AGBL4: variants seen among roughly 807,000 people sequenced by gnomAD.
AGBL4 encodes cytosolic carboxypeptidase 6.
In AGBL4, 58 loss-of-function variants were observed where a neutral mutation model predicts 66.4. The ratio of observed to expected loss-of-function variants is 0.87; its 90% CI spans 0.71 to 1.09. AGBL4 has a LOEUF of 1.09. Ranked by LOEUF, AGBL4 falls within the 50% of genes least tolerant of loss-of-function variation. The pLI is 0.00. For missense variants in AGBL4, 579 were observed against 631.0 expected, an observed-to-expected ratio of 0.92 and a Z score of 0.88; for synonymous variants, 234 against 222.9, an observed-to-expected ratio of 1.05 and a Z score of -0.44.
chr1:48,661,701 C>A (rs1646110112), intron 7 of AGBL4, among the ~76,000 whole-genome samples: 1 of 152,214 alleles, frequency 6.6e-6, no homozygotes, highest in Non-Finnish European at 1.5e-5. Flanking sequence ...GGCAACCCTG[C>A]TCTCTGTCTA....
At chr1:49,303,843 C>T (rs1369358396) in intron 3 of AGBL4, among the ~76,000 whole-genome samples, 2 of 151,916 alleles carry the variant, frequency 1.3e-5, no homozygotes, top group Admixed American at 1.3e-4. Flanking sequence ...TTGGTTTTTT[C>T]TCGTAAATTT....
chr1:49,129,643 T>C (rs1333836359), intron 4 of AGBL4, among the ~76,000 whole-genome samples: 1 of 152,066 alleles, frequency 6.6e-6, no homozygotes, highest in African/African-American at 2.4e-5. Flanking sequence ...GGACATGAAC[T>C]CATCATTTTT....
chr1:48,775,854 T>C (rs1335409013), intron 6 of AGBL4, among the ~76,000 whole-genome samples: 1 of 152,234 alleles, frequency 6.6e-6, no homozygotes, highest in Admixed American at 6.5e-5. Context: ...AGTGTTATTC[T>C]GACCCAGAAA....
chr1:49,349,608 G>T (rs1645707586), intron 3 of AGBL4, among the ~76,000 whole-genome samples: 1 of 152,100 alleles, frequency 6.6e-6, no homozygotes, highest in South Asian at 2.1e-4. Flanking sequence ...GCACTTAACA[G>T]AATTCGAAAT....
intron 2 of AGBL4, among the ~76,000 whole-genome samples, chr1:49,792,032 A>C (rs760728310): frequency 1.9e-4 from 29 of 152,088 alleles, no homozygotes; most frequent in Non-Finnish European, 3.7e-4. Flanking sequence ...TAAATTTTCT[A>C]TTTATAAAAT....
At chr1:49,026,625 A>G (rs1294820634) in intron 5 of AGBL4, among the ~76,000 whole-genome samples, 1 of 152,188 alleles carries the variant, frequency 6.6e-6, no homozygotes, top group Non-Finnish European at 1.5e-5. Flanking sequence ...CTGTGCTTGA[A>G]TTAGGCATGG....
At chr1:49,929,286 C>T (rs776924857) in intron 1 of AGBL4, among the ~76,000 whole-genome samples, 3 of 151,798 alleles carry the variant, frequency 2.0e-5, no homozygotes, top group Admixed American at 6.6e-5. Context: ...AACAAACCTA[C>T]ACATGTACCC....
At chr1:49,880,869 G>A (rs1282601278) in intron 1 of AGBL4, among the ~76,000 whole-genome samples, 22 of 151,986 alleles carry the variant, frequency 1.4e-4, no homozygotes, top group South Asian at 4.2e-4. Flanking sequence ...GTGGTGCGCC[G>A]TTTTTTAAGC....
intron 8 of AGBL4, among the ~76,000 whole-genome samples, chr1:48,640,415 T>C (rs1295823542): frequency 1.3e-5 from 2 of 152,204 alleles, no homozygotes; most frequent in Non-Finnish European, 2.9e-5. Flanking sequence ...GATGAATGAA[T>C]GAGTGAACAG....
At chr1:48,545,053 C>T (rs1195392417) in intron 11 of AGBL4, among the ~76,000 whole-genome samples, 1 of 152,098 alleles carries the variant, frequency 6.6e-6, no homozygotes. Flanking sequence ...TGTGACTGCA[C>T]CTAGTTGATG....
chr1:49,447,405 G>A (rs1354712553), intron 3 of AGBL4, among the ~76,000 whole-genome samples: 1 of 152,112 alleles, frequency 6.6e-6, no homozygotes, highest in Non-Finnish European at 1.5e-5. Context: ...ATGCTGTGTT[G>A]CTGCAGCCCT....
intron 3 of AGBL4, among the ~76,000 whole-genome samples, chr1:49,374,712 T>A (rs1302505399): frequency 6.6e-6 from 1 of 152,126 alleles, no homozygotes; most frequent in African/African-American, 2.4e-5. Flanking sequence ...AGATTTCCTA[T>A]ATATTGCTTA....
At chr1:48,537,839 G>A (rs749766518) in intron 12 of AGBL4, among the ~76,000 whole-genome samples, 13 of 152,140 alleles carry the variant, frequency 8.5e-5, no homozygotes, top group East Asian at 3.9e-4. Context: ...AACCAATCAC[G>A]AATGACTTCT....
chr1:49,343,310 T>G (rs1041464927), intron 3 of AGBL4, among the ~76,000 whole-genome samples: 3 of 152,160 alleles, frequency 2.0e-5, no homozygotes, highest in African/African-American at 7.2e-5. Flanking sequence ...TAGATCCCTC[T>G]CAAAATCTAA....
At chr1:48,855,301 G>A (rs1363042312) in intron 6 of AGBL4, among the ~76,000 whole-genome samples, 3 of 152,126 alleles carry the variant, frequency 2.0e-5, no homozygotes, top group Non-Finnish European at 4.4e-5. Context: ...CTTCACTGGA[G>A]CCCTGGAATA....
chr1:48,996,809 T>TCCTC (rs1661032055), intron 5 of AGBL4, among the ~76,000 whole-genome samples: 1 of 122,370 alleles, frequency 8.2e-6, no homozygotes, highest in South Asian at 3.1e-4. Flanking sequence ...GGAATTTCCT[T>TCCTC]CCTTCCTCCC....
chr1:49,512,433 G>A (rs1649355240), intron 3 of AGBL4, among the ~76,000 whole-genome samples: 3 of 152,004 alleles, frequency 2.0e-5, no homozygotes, highest in Non-Finnish European at 2.9e-5. Flanking sequence ...TGGAGGTGGG[G>A]CCTGGTAGGA....
intron 3 of AGBL4, among the ~76,000 whole-genome samples, chr1:49,475,873 A>G (rs1646835758): frequency 6.6e-6 from 1 of 152,010 alleles, no homozygotes; most frequent in Admixed American, 6.6e-5. Flanking sequence ...CTTTCAAAGA[A>G]CCAACTTTGT....
chr1:49,172,000 T>C (rs1646747667), intron 4 of AGBL4, among the ~76,000 whole-genome samples: 1 of 152,196 alleles, frequency 6.6e-6, no homozygotes, highest in African/African-American at 2.4e-5. Flanking sequence ...TAGTAAATAG[T>C]GGAGCTGATA....
Sources: gnomAD v4.1 joint callset for allele counts (sites outside exome capture counted in the v4.1 genomes callset) on GRCh38, gnomAD v4.1.1 for gene constraint, MANE v1.5 for transcripts, NCBI Gene and HGNC (gene_info 2026-07-23, HGNC 2026-07-21) for gene names.